The following HCN1 variants were observed in gnomAD, a reference collection of about 807,000 sequenced individuals.
HCN1 encodes hyperpolarization activated cyclic nucleotide gated potassium channel 1.
Under a neutral mutation model 78.9 loss-of-function variants are expected in HCN1, and 13 were observed. The observed-to-expected ratio is 0.16, with a 90% confidence interval of 0.11 to 0.26. HCN1 has a LOEUF of 0.26. HCN1 is among the 10% of genes least tolerant of loss of function. The pLI is 1.00. For missense variants in HCN1, 810 were observed against 1,154.3 expected (o/e 0.70, Z 4.32); for synonymous variants, 552 against 455.5 (o/e 1.21, Z -2.70).
intron 3 of HCN1, among the ~76,000 whole-genome samples, chr5:45,442,915 GT>G (rs1183164688): frequency 6.6e-6 from 1 of 152,028 alleles, no homozygotes; most frequent in Non-Finnish European, 1.5e-5. Context: ...GGTTGAATTG[GT>G]AGTTTTCTTC....
rs1193274294 is a variant in HCN1, at chr5:45,324,623, AAAG to A, written c.1378-20787_1378-20785del. Among the ~76,000 whole-genome samples, 18 of 151,836 alleles carry A rather than the reference AAAG, an allele frequency of 1.2e-4. 1 individual carries two copies. Among genetic ancestry groups the A allele is most frequent in the Non-Finnish European group, 1.6e-4 (11 of 67,898 alleles). On this transcript the variant is annotated intron_variant, in intron 5 of 7. Transcript: ENST00000303230. ...TTTATAACTTGAAGAGACAGGTGAA[AAAG>A]AAGATGAAATTCCACAGACTAATAA...
chr5:45,676,562 A>C (rs1305984898), intron 1 of HCN1, among the ~76,000 whole-genome samples: 1 of 151,832 alleles, frequency 6.6e-6, no homozygotes, highest in Non-Finnish European at 1.5e-5. Flanking sequence ...ATGGAAGGAA[A>C]CTAAATCAAA....
intron 3 of HCN1, among the ~76,000 whole-genome samples, chr5:45,448,459 G>C (rs970874407): frequency 2.0e-5 from 3 of 152,078 alleles, no homozygotes; most frequent in Non-Finnish European, 4.4e-5. Context: ...TCACTTCCTG[G>C]TCCTTGCTCC....
intron 1 of HCN1, among the ~76,000 whole-genome samples, chr5:45,681,906 A>G (rs1739708251): frequency 6.6e-6 from 1 of 152,162 alleles, no homozygotes; most frequent in Non-Finnish European, 1.5e-5. Flanking sequence ...TACAATAGAT[A>G]GAATGTTTAT....
At chr5:45,303,130 A>G (rs888777911) in intron 6 of HCN1, among the ~76,000 whole-genome samples, 25 of 152,116 alleles carry the variant, frequency 1.6e-4, no homozygotes, top group African/African-American at 5.6e-4. Context: ...CTGGGCAATC[A>G]TATGTGAATA....
intron 2 of HCN1, among the ~76,000 whole-genome samples, chr5:45,508,346 T>A (rs1742348488): frequency 6.6e-6 from 1 of 152,034 alleles, no homozygotes; most frequent in South Asian, 2.1e-4. Flanking sequence ...ATGTTCACAA[T>A]TTTCACCTGT....
intron 2 of HCN1, among the ~76,000 whole-genome samples, chr5:45,593,378 T>C (rs984381289): frequency 6.9e-6 from 1 of 145,668 alleles, no homozygotes; most frequent in Non-Finnish European, 1.5e-5. Context: ...ACACCCCACA[T>C]GTAAGATGCA....
intron 1 of HCN1, among the ~76,000 whole-genome samples, chr5:45,684,414 T>C (rs13178796): frequency 9.2e-5 from 14 of 152,038 alleles, no homozygotes; most frequent in African/African-American, 3.4e-4. Context: ...AATACAGGTG[T>C]CCAAACTTTT....
intron 5 of HCN1, among the ~76,000 whole-genome samples, chr5:45,325,147 T>G (rs1255937890): frequency 1.3e-5 from 2 of 151,848 alleles, no homozygotes; most frequent in East Asian, 3.9e-4. Context: ...ATTGCTTCAC[T>G]GACCTGCCAA....
At chr5:45,608,417 T>G (rs956927843) in intron 2 of HCN1, among the ~76,000 whole-genome samples, 1 of 137,732 alleles carries the variant, frequency 7.3e-6, no homozygotes, top group African/African-American at 2.7e-5. Context: ...TGTGAACTGA[T>G]GAAGAACTAC....
chr5:45,320,429 C>G (rs914081935), intron 5 of HCN1, among the ~76,000 whole-genome samples: 3 of 151,782 alleles, frequency 2.0e-5, no homozygotes, highest in African/African-American at 7.2e-5. Context: ...GAGTCAACAT[C>G]TATTGAGTTC....
chr5:45,674,698 T>A (rs930296621), intron 1 of HCN1, among the ~76,000 whole-genome samples: 1 of 151,908 alleles, frequency 6.6e-6, no homozygotes, highest in African/African-American at 2.4e-5. Context: ...ACATGCTGAA[T>A]GTTTTATTAA....
intron 4 of HCN1, among the ~76,000 whole-genome samples, chr5:45,362,065 T>C (rs1257814282): frequency 6.6e-6 from 1 of 152,130 alleles, no homozygotes; most frequent in African/African-American, 2.4e-5. Context: ...TACAGCTAAA[T>C]GTGTGCTTGA....
At chr5:45,283,471 T>C (rs942674826) in intron 6 of HCN1, among the ~76,000 whole-genome samples, 1 of 151,920 alleles carries the variant, frequency 6.6e-6, no homozygotes, top group African/African-American at 2.4e-5. Context: ...ACCATTAAAA[T>C]GTGGGCAAAG....
intron 1 of HCN1, among the ~76,000 whole-genome samples, chr5:45,674,677 T>G (rs2112080146): frequency 6.6e-6 from 1 of 151,954 alleles, no homozygotes; most frequent in African/African-American, 2.4e-5. Flanking sequence ...GACAAGATTT[T>G]TCAATGTCAC....
At chr5:45,371,241 A>G (rs527340104) in intron 4 of HCN1, among the ~76,000 whole-genome samples, 40 of 152,154 alleles carry the variant, frequency 2.6e-4, no homozygotes, top group African/African-American at 9.6e-4. Flanking sequence ...GAGCAAATCA[A>G]CCCCAAAGCT....
At chr5:45,451,368 G>C (rs1231682656) in intron 3 of HCN1, among the ~76,000 whole-genome samples, 4 of 152,018 alleles carry the variant, frequency 2.6e-5, no homozygotes, top group Non-Finnish European at 5.9e-5. Context: ...GTAAGGGAAA[G>C]GTGCCCCTCA....
intron 2 of HCN1, chr5:45,576,211 A>C (rs1743941929): frequency 6.6e-6 from 1 of 152,172 alleles, no homozygotes; most frequent in Non-Finnish European, 1.5e-5. Flanking sequence ...TCATGACAAA[A>C]GTTGAATGAA....
chr5:45,358,398 T>C (rs114328372), intron 4 of HCN1, among the ~76,000 whole-genome samples: 2,457 of 152,200 alleles, frequency 0.016, 69 homozygotes, highest in African/African-American at 0.056. Flanking sequence ...CCCCTACTCC[T>C]TCATCCCAAT....
Sources: allele counts gnomAD v4.1 joint callset (sites outside exome capture counted in the v4.1 genomes callset), GRCh38; gene constraint gnomAD v4.1.1; transcripts MANE v1.5; gene names NCBI Gene and HGNC (gene_info 2026-07-23, HGNC 2026-07-21).